Variants in GBE1 observed in about 807,000 individuals in gnomAD.
GBE1 encodes the protein 1,4-alpha-glucan-branching enzyme.
Under a neutral mutation model 88.8 loss-of-function variants are expected in GBE1, and 70 were observed. The ratio of observed to expected loss-of-function variants is 0.79; its 90% CI spans 0.65 to 0.96. The LOEUF is 0.96. Ranked by LOEUF, GBE1 falls within the 40% of genes least tolerant of loss-of-function variation. GBE1 has a pLI of 0.00. For synonymous variants in GBE1, 284 were observed against 300.1 expected (o/e 0.95, Z 0.56); for missense variants, 872 against 871.0 (o/e 1.00, Z -0.01).
At position 81,537,737 on chromosome 3, in the gene GBE1, G is replaced by A. The variant is rs745465088; in HGVS notation, c.1619-642C>T. 3.3e-5 allele frequency among the ~76,000 whole-genome samples: 5 copies of A among 151,958 alleles called. No individual in the cohort carries two copies. In the South Asian group the frequency reaches 6.2e-4, roughly 19 times the overall value. On this transcript the variant is annotated intron_variant, in intron 12 of 15. Transcript: ENST00000429644. ...TCATTACTTTTATTATGAATTTTCC[G>A]TATTTCTTTTTCAGATCTATTTTTT... is the stretch of plus-strand genomic sequence containing the variant.
intron 13 of GBE1, among the ~76,000 whole-genome samples, chr3:81,535,542 A>G (rs1703063340): frequency 1.3e-5 from 2 of 152,052 alleles, no homozygotes; most frequent in South Asian, 4.1e-4. Context: ...CTCACCAGCC[A>G]CTTGCTACCC....
intron 14 of GBE1, among the ~76,000 whole-genome samples, chr3:81,500,605 A>G (rs1702573846): frequency 6.6e-6 from 1 of 152,194 alleles, no homozygotes; most frequent in Admixed American, 6.6e-5. Flanking sequence ...AGCAGTGGCT[A>G]AGTAAGGCAA....
intron 12 of GBE1, among the ~76,000 whole-genome samples, chr3:81,553,421 A>G (rs1229152885): frequency 6.6e-6 from 1 of 152,088 alleles, no homozygotes; most frequent in African/African-American, 2.4e-5. Context: ...GCCTCTTTCT[A>G]TTAGACTGGG....
chr3:81,583,459 G>A (rs1462677249), intron 10 of GBE1, among the ~76,000 whole-genome samples: 1 of 152,082 alleles, frequency 6.6e-6, no homozygotes, highest in African/African-American at 2.4e-5. Flanking sequence ...GCCATAAGCT[G>A]GAAGCAACCT....
intron 12 of GBE1, among the ~76,000 whole-genome samples, chr3:81,569,328 G>A (rs370802080): frequency 4.7e-4 from 71 of 152,302 alleles, no homozygotes; most frequent in Non-Finnish European, 9.0e-4. Context: ...CATGTAAACT[G>A]TGAAATATGC....
chr3:81,590,952 T>G, intron 9 of GBE1, 85 bp downstream of exon 9: 247 of 1,181,130 alleles, frequency 2.1e-4, no homozygotes, highest in Non-Finnish European at 2.7e-4. Context: ...ATTGACAACA[T>G]GAGATTGATT....
chr3:81,656,521 C>T (rs1032317621), intron 3 of GBE1, among the ~76,000 whole-genome samples: 13 of 152,140 alleles, frequency 8.5e-5, no homozygotes, highest in South Asian at 2.1e-4. Flanking sequence ...AATACATTTA[C>T]ATTATTTAAA....
Position 81,750,672 on chromosome 3 carries a change from T to TAC in GBE1, c.143+10701_143+10702dup, listed in dbSNP as rs1553696668. 2.3e-4 allele frequency among the ~76,000 whole-genome samples: 18 copies of TAC among 77,744 alleles called. 1 individual carries two copies. The highest frequency in any genetic ancestry group is 6.3e-4 in the African/African-American group (7 of 11,122). The allele number at this position is 77,744 out of a possible 152,430, so 51.0% of individuals were successfully genotyped here. ...ATATATATATATGTATATATATATA[T>TAC]ACGTATATATATATATATATATGTA... On this transcript the variant is annotated intron_variant, in intron 1 of 15. Transcript: ENST00000429644.
chr3:81,574,351 T>C (rs7621067), intron 12 of GBE1, among the ~76,000 whole-genome samples: 98,673 of 152,014 alleles, frequency 0.65, 33,709 homozygotes, highest in East Asian at 0.92. Context: ...TGCAAATACT[T>C]TGTGTTTTAT....
intron 1 of GBE1, among the ~76,000 whole-genome samples, chr3:81,744,516 A>G (rs969598739): frequency 7.2e-5 from 11 of 152,166 alleles, no homozygotes; most frequent in Non-Finnish European, 1.6e-4. Context: ...ACCTCTCCAG[A>G]TAACACTCAT....
At chr3:81,610,232 C>T (rs917883906) in intron 7 of GBE1, among the ~76,000 whole-genome samples, 1 of 152,164 alleles carries the variant, frequency 6.6e-6, no homozygotes, top group African/African-American at 2.4e-5. Context: ...CTATCATCAT[C>T]CAAGGATACA....
At chr3:81,492,746 C>CTT (rs201262203) in intron 15 of GBE1, among the ~76,000 whole-genome samples, 89 of 135,434 alleles carry the variant, frequency 6.6e-4, no homozygotes, top group African/African-American at 2.2e-3. Context: ...TTCTTTCTTT[C>CTT]TTTTTTTTTT....
chr3:81,551,387 T>C (rs1234809229), intron 12 of GBE1, among the ~76,000 whole-genome samples: 1 of 151,800 alleles, frequency 6.6e-6, no homozygotes, highest in African/African-American at 2.4e-5. Flanking sequence ...TTAAAGAAAG[T>C]AGTAGGAGAG....
intron 1 of GBE1, among the ~76,000 whole-genome samples, chr3:81,746,850 G>C (rs1004527883): frequency 1.3e-5 from 2 of 152,090 alleles, no homozygotes; most frequent in Non-Finnish European, 2.9e-5. Context: ...CTTAAAATGA[G>C]ATCTCATAAA....
chr3:81,731,050 A>C (rs1458696161), intron 1 of GBE1, among the ~76,000 whole-genome samples: 2 of 152,186 alleles, frequency 1.3e-5, no homozygotes, highest in Non-Finnish European at 2.9e-5. Flanking sequence ...AAAAAAGGTA[A>C]TATAGGCTGA....
chr3:81,702,264 CT>C (rs919329699), intron 2 of GBE1, among the ~76,000 whole-genome samples: 2 of 151,400 alleles, frequency 1.3e-5, no homozygotes, highest in African/African-American at 4.8e-5. Flanking sequence ...ACGTGTATAT[CT>C]TTTTTTACAA....
chr3:81,697,585 C>T (rs1705618771), intron 2 of GBE1, among the ~76,000 whole-genome samples: 1 of 152,160 alleles, frequency 6.6e-6, no homozygotes, highest in Non-Finnish European at 1.5e-5. Flanking sequence ...CAGGCGTGAG[C>T]CACTGCGCCT....
At chr3:81,618,423 A>G (rs1489974013) in intron 7 of GBE1, among the ~76,000 whole-genome samples, 1 of 152,092 alleles carries the variant, frequency 6.6e-6, no homozygotes, top group African/African-American at 2.4e-5. Flanking sequence ...ATTAGACACC[A>G]TGAAAAAACT....
chr3:81,513,728 T>C (rs1403742102), intron 14 of GBE1, among the ~76,000 whole-genome samples: 1 of 151,742 alleles, frequency 6.6e-6, no homozygotes, highest in South Asian at 2.1e-4. Context: ...TTACCCTTAC[T>C]ACTTGCTAAG....
Sources: gnomAD v4.1 joint callset for allele counts (sites outside exome capture counted in the v4.1 genomes callset) on GRCh38, gnomAD v4.1.1 for gene constraint, MANE v1.5 for transcripts, NCBI Gene and HGNC (gene_info 2026-07-23, HGNC 2026-07-21) for gene names.